The following SLC9A9 variants were observed in gnomAD, a reference collection of about 807,000 sequenced individuals.
SLC9A9 encodes solute carrier family 9 member A9.
SLC9A9 carries 62 observed loss-of-function variants against 77.8 expected under a neutral mutation model. That is an observed-to-expected ratio of 0.80 (90% CI 0.65 to 0.98). The LOEUF is 0.98. Ranked by LOEUF, SLC9A9 falls within the 50% of genes least tolerant of loss-of-function variation. The pLI, the probability that SLC9A9 is intolerant of heterozygous loss-of-function variation, is 0.00. For missense variants in SLC9A9, 775 were observed against 774.9 expected, an observed-to-expected ratio of 1.00 and a Z score of 0.00; for synonymous variants, 320 against 283.5, an observed-to-expected ratio of 1.13 and a Z score of -1.29.
chr3:143,409,910 C>T (rs1455043234), intron 12 of SLC9A9, among the ~76,000 whole-genome samples: 1 of 152,146 alleles, frequency 6.6e-6, no homozygotes, highest in Non-Finnish European at 1.5e-5. Flanking sequence ...ACAATGAAAA[C>T]TTAGATTGAG....
intron 9 of SLC9A9, chr3:143,517,258 G>T: frequency 7.8e-7 from 1 of 1,277,110 alleles, no homozygotes; most frequent in African/African-American, 1.5e-5. Context: ...CCTGCATGGC[G>T]GCAAGAACCT....
chr3:143,384,333 G>T lies in SLC9A9; in HGVS notation c.1470-2219C>A, dbSNP rs150645257. On this transcript the variant is annotated intron_variant, in intron 12 of 15. Coordinates refer to ENST00000316549, the MANE Select transcript of SLC9A9 (RefSeq NM_173653.4). ...TGTGGTGGATCAGAGCCCTCCAGCAGGTGCTGGCTGTTCCCTAGAGGCTTC... is the reference window on the plus strand; with the variant it reads ...TGTGGTGGATCAGAGCCCTCCAGCATGTGCTGGCTGTTCCCTAGAGGCTTC... Among the ~76,000 whole-genome samples the T allele has an allele frequency of 8.0e-4, 122 of 152,294 alleles. 1 individual carries two copies. The highest frequency in any genetic ancestry group is 2.7e-3 in the African/African-American group (111 of 41,572).
chr3:143,298,057 A>T (rs1470156849), intron 14 of SLC9A9, among the ~76,000 whole-genome samples: 7 of 152,264 alleles, frequency 4.6e-5, no homozygotes, highest in Non-Finnish European at 1.0e-4. Context: ...CATTTTGTCA[A>T]GGCAAAGAAT....
chr3:143,347,890 A>G (rs2032337775), intron 14 of SLC9A9, among the ~76,000 whole-genome samples: 3 of 152,316 alleles, frequency 2.0e-5, no homozygotes, highest in Non-Finnish European at 4.4e-5. Context: ...GTGACAATCA[A>G]TTTAAATTAT....
intron 1 of SLC9A9, among the ~76,000 whole-genome samples, chr3:143,844,781 C>CTTTCTT (rs1559824854): frequency 1.5e-5 from 2 of 131,896 alleles, no homozygotes; most frequent in African/African-American, 5.8e-5. Flanking sequence ...TTCTTTCTTT[C>CTTTCTT]TTTCTTTCTG....
At chr3:143,285,151 G>T (rs527823108) in intron 14 of SLC9A9, among the ~76,000 whole-genome samples, 1 of 152,058 alleles carries the variant, frequency 6.6e-6, no homozygotes. Context: ...TGTCACATAG[G>T]TACACACGTG....
At chr3:143,658,565 T>C (rs1271540984) in intron 5 of SLC9A9, among the ~76,000 whole-genome samples, 1 of 152,214 alleles carries the variant, frequency 6.6e-6, no homozygotes, top group Non-Finnish European at 1.5e-5. Flanking sequence ...CTGTTGCTGA[T>C]ATTTATATTT....
chr3:143,609,812 T>G (rs1008245752), intron 6 of SLC9A9, among the ~76,000 whole-genome samples: 1 of 152,234 alleles, frequency 6.6e-6, no homozygotes, highest in Non-Finnish European at 1.5e-5. Flanking sequence ...CTTCAACATT[T>G]ATAAATGTTA....
intron 14 of SLC9A9, among the ~76,000 whole-genome samples, chr3:143,350,497 C>T (rs2032418104): frequency 6.6e-6 from 1 of 152,158 alleles, no homozygotes; most frequent in Non-Finnish European, 1.5e-5. Context: ...CCCTGGCCAA[C>T]CTTATATGTG....
chr3:143,549,944 G>A (rs866230821), intron 9 of SLC9A9, among the ~76,000 whole-genome samples: 22 of 152,152 alleles, frequency 1.4e-4, no homozygotes, highest in Non-Finnish European at 3.2e-4. Context: ...ACTATATGTT[G>A]GAGGTTTCTG....
chr3:143,574,021 A>T, intron 8 of SLC9A9, 67 bp downstream of exon 8: 1 of 1,361,326 alleles, frequency 7.3e-7, no homozygotes, highest in Non-Finnish European at 1.0e-6. Context: ...TAGGTCAGGG[A>T]GGGGCACACA....
At chr3:143,377,034 G>A (rs1333166038) in intron 13 of SLC9A9, among the ~76,000 whole-genome samples, 1 of 152,154 alleles carries the variant, frequency 6.6e-6, no homozygotes, top group East Asian at 1.9e-4. Context: ...TGGGGGATGG[G>A]TATGTTAAGA....
At chr3:143,831,232 G>C (rs139562916) in intron 2 of SLC9A9, among the ~76,000 whole-genome samples, 1,868 of 152,176 alleles carry the variant, frequency 0.012, 26 homozygotes, top group Non-Finnish European at 0.018. Flanking sequence ...TCTCAAATAA[G>C]TGATGTGAGA....
At chr3:143,607,233 A>G (rs1317633566) in intron 6 of SLC9A9, among the ~76,000 whole-genome samples, 1 of 152,130 alleles carries the variant, frequency 6.6e-6, no homozygotes, top group Non-Finnish European at 1.5e-5. Flanking sequence ...AAGAATAATA[A>G]TTACTGCTAA....
chr3:143,536,965 A>T (rs2036599721), intron 9 of SLC9A9, among the ~76,000 whole-genome samples: 1 of 152,184 alleles, frequency 6.6e-6, no homozygotes, highest in African/African-American at 2.4e-5. Context: ...TGCCAATTGC[A>T]TCAGAATCTC....
At chr3:143,506,612 TA>T (rs1269614158) in intron 9 of SLC9A9, among the ~76,000 whole-genome samples, 4 of 152,110 alleles carry the variant, frequency 2.6e-5, no homozygotes, top group Non-Finnish European at 5.9e-5. Flanking sequence ...GTTTTGAAAA[TA>T]AACATTTTGC....
At chr3:143,267,019 T>G (rs1218681538) in intron 15 of SLC9A9, 90 bp from the exon 16 acceptor site, 1 of 1,190,032 alleles carries the variant, frequency 8.4e-7, no homozygotes, top group Admixed American at 1.9e-5. Flanking sequence ...TTAAACAGAA[T>G]GCATGTTTTC....
chr3:143,682,820 C>T (rs9882472), intron 5 of SLC9A9, among the ~76,000 whole-genome samples: 130,226 of 152,156 alleles, frequency 0.86, 56,459 homozygotes, highest in South Asian at 0.94. Flanking sequence ...TCTTTTATAG[C>T]CACATCTTCC....
chr3:143,726,120 TA>T (rs1017153435), intron 4 of SLC9A9, among the ~76,000 whole-genome samples: 34 of 149,386 alleles, frequency 2.3e-4, no homozygotes, highest in Admixed American at 5.4e-4. Flanking sequence ...TTTGAGAAAT[TA>T]AAAAAAAATA....
Sources: allele counts gnomAD v4.1 joint callset (sites outside exome capture counted in the v4.1 genomes callset), GRCh38; gene constraint gnomAD v4.1.1; transcripts MANE v1.5; gene names NCBI Gene and HGNC (gene_info 2026-07-23, HGNC 2026-07-21).